The following NTRK3 variants were observed in gnomAD, a reference collection of about 807,000 sequenced individuals.
NTRK3 encodes the protein NT-3 growth factor receptor.
NTRK3 carries 24 observed loss-of-function variants against 91.7 expected under a neutral mutation model. The ratio of observed to expected loss-of-function variants is 0.26; its 90% CI spans 0.19 to 0.37. The LOEUF (loss-of-function observed/expected upper bound fraction) is 0.37, where lower values mean the gene tolerates loss of function less well. Among genes scored for constraint, NTRK3 ranks in the 10% least tolerant of loss-of-function variants. NTRK3 has a pLI of 1.00. For synonymous variants in NTRK3, 483 were observed against 404.0 expected, an observed-to-expected ratio of 1.20 and a Z score of -2.34; for missense variants, 880 against 1,068.9, an observed-to-expected ratio of 0.82 and a Z score of 2.46.
chr15:88,136,823 G>T (rs930711731), intron 7 of NTRK3, among the ~76,000 whole-genome samples: 2 of 152,210 alleles, frequency 1.3e-5, no homozygotes, highest in African/African-American at 2.4e-5. Flanking sequence ...TGCAGTTGCA[G>T]TCTCCCACAT....
chr15:88,236,392 G>C (rs933369850), intron 3 of NTRK3, among the ~76,000 whole-genome samples: 3 of 151,806 alleles, frequency 2.0e-5, no homozygotes, highest in Admixed American at 1.3e-4. Flanking sequence ...CCCAAAACAG[G>C]CTGGGCACTG....
intron 13 of NTRK3, among the ~76,000 whole-genome samples, chr15:88,062,285 T>C (rs566147200): frequency 6.6e-6 from 1 of 152,312 alleles, no homozygotes; most frequent in South Asian, 2.1e-4. Context: ...TGAAAGTGTT[T>C]TGCGCAAGAA....
chr15:88,124,779 A>T (rs1395297107), intron 13 of NTRK3, among the ~76,000 whole-genome samples: 2 of 152,164 alleles, frequency 1.3e-5, no homozygotes, highest in African/African-American at 2.4e-5. Context: ...AAGTGGTCTG[A>T]TTTTGTTTAA....
chr15:87,969,305 C>T (rs1596460353), intron 14 of NTRK3, among the ~76,000 whole-genome samples: 3 of 152,172 alleles, frequency 2.0e-5, no homozygotes. Flanking sequence ...GACGCGTGTG[C>T]CAGAGTCCCT....
At chr15:87,901,457 G>C (rs2066448368) in intron 17 of NTRK3, among the ~76,000 whole-genome samples, 1 of 152,192 alleles carries the variant, frequency 6.6e-6, no homozygotes, top group African/African-American at 2.4e-5. Context: ...CTGAGTGCTG[G>C]GGTAGGTAAT....
intron 17 of NTRK3, among the ~76,000 whole-genome samples, chr15:87,926,472 C>T (rs1351236164): frequency 5.9e-5 from 9 of 152,182 alleles, no homozygotes; most frequent in Admixed American, 4.6e-4. Flanking sequence ...TAACATCGCC[C>T]TTAGAACTCA....
chr15:88,025,193 A>T (rs1050791004), intron 14 of NTRK3, among the ~76,000 whole-genome samples: 2 of 152,226 alleles, frequency 1.3e-5, no homozygotes, highest in African/African-American at 2.4e-5. Context: ...ACTTGGTATA[A>T]CCATTCACTT....
intron 17 of NTRK3, among the ~76,000 whole-genome samples, chr15:87,924,336 T>C (rs1002867019): frequency 6.6e-6 from 1 of 152,134 alleles, no homozygotes; most frequent in Non-Finnish European, 1.5e-5. Context: ...TTCTAAATGA[T>C]TCCCACTTCC....
At chr15:87,972,356 C>T (rs527692881) in intron 14 of NTRK3, among the ~76,000 whole-genome samples, 168 of 152,294 alleles carry the variant, frequency 1.1e-3, no homozygotes, top group African/African-American at 3.8e-3. Flanking sequence ...GATGTTCTGT[C>T]CCTCAAACTT....
At chr15:87,992,680 G>C (rs1017304572) in intron 14 of NTRK3, among the ~76,000 whole-genome samples, 1 of 152,228 alleles carries the variant, frequency 6.6e-6, no homozygotes, top group Non-Finnish European at 1.5e-5. Flanking sequence ...GGGAGAACTG[G>C]TATGGACCCT....
exon 19 of NTRK3, chr15:87,876,915 T>C: frequency 6.2e-7 from 1 of 1,613,548 alleles, no homozygotes; most frequent in Non-Finnish European, 8.5e-7. Flanking sequence ...AGAGTATGAA[T>C]TCATGACCAC....
At chr15:87,942,162 G>A (rs144904660) in intron 14 of NTRK3, among the ~76,000 whole-genome samples, 1,708 of 152,294 alleles carry the variant, frequency 0.011, 26 homozygotes, top group South Asian at 0.04. Flanking sequence ...CCACAGTGTC[G>A]CAGATGATCT....
At chr15:87,985,429 C>A (rs1024596761) in intron 14 of NTRK3, among the ~76,000 whole-genome samples, 2 of 152,180 alleles carry the variant, frequency 1.3e-5, no homozygotes, top group South Asian at 2.1e-4. Context: ...TAATAACAAA[C>A]ACATTTCAAA....
intron 13 of NTRK3, among the ~76,000 whole-genome samples, chr15:88,074,911 T>C (rs935486964): frequency 1.3e-5 from 2 of 152,196 alleles, no homozygotes. Flanking sequence ...ATGATAGTTA[T>C]TGGAATCAAG....
At chr15:88,001,143 C>A (rs1164210535) in intron 14 of NTRK3, among the ~76,000 whole-genome samples, 1 of 152,054 alleles carries the variant, frequency 6.6e-6, no homozygotes, top group African/African-American at 2.4e-5. Flanking sequence ...ATTTGTATAT[C>A]TTCTTTGAGA....
chr15:88,048,946 C>T (rs1192855567), intron 13 of NTRK3, among the ~76,000 whole-genome samples: 1 of 152,160 alleles, frequency 6.6e-6, no homozygotes, highest in Non-Finnish European at 1.5e-5. Context: ...TCAAGTTCCT[C>T]CTGTAAGGTC....
chr15:87,951,610 G>C (rs2071114419), intron 14 of NTRK3, among the ~76,000 whole-genome samples: 1 of 152,144 alleles, frequency 6.6e-6, no homozygotes, highest in African/African-American at 2.4e-5. Context: ...ATGCACAAAG[G>C]ACCCTAGGAA....
chr15:88,240,331 G>A lies in NTRK3; in HGVS notation c.248+15575C>T, dbSNP rs982132151. On this transcript the variant is annotated intron_variant, in intron 3 of 18. Transcript: ENST00000394480. This position sits in a 1 kb window ranked among gnomAD's most constrained non-coding sequence, Gnocchi z 4.9. Reference sequence around the variant, plus strand: ...AACAATGCCCGATCCCGACACACCCGATAAACTGTGGCAGTGATGGGACAC... The same window carrying A: ...AACAATGCCCGATCCCGACACACCCAATAAACTGTGGCAGTGATGGGACAC... Among the ~76,000 whole-genome samples the A allele has an allele frequency of 1.3e-5, 2 of 152,128 alleles. No homozygotes were observed. Among genetic ancestry groups the A allele is most frequent in the Admixed American group, 6.5e-5 (1 of 15,280 alleles).
intron 7 of NTRK3, 66 bp from the exon 8 acceptor site, chr15:88,136,675 A>T: frequency 6.4e-7 from 1 of 1,559,146 alleles, no homozygotes; most frequent in Admixed American, 1.9e-5. Context: ...AGCTCTGTCC[A>T]TGGGGCTGAT....
Sources: allele counts gnomAD v4.1 joint callset (sites outside exome capture counted in the v4.1 genomes callset), GRCh38; gene constraint gnomAD v4.1.1; non-coding constraint Gnocchi (gnomAD v3.1); transcripts MANE v1.5; gene names NCBI Gene and HGNC (gene_info 2026-07-23, HGNC 2026-07-21).